Variants in SLC1A1 observed in about 807,000 individuals in gnomAD.
The protein encoded by SLC1A1 is excitatory amino acid transporter 3.
In SLC1A1, 43 loss-of-function variants were observed where a neutral mutation model predicts 53.3. That is an observed-to-expected ratio of 0.81 (90% CI 0.63 to 1.04). The LOEUF (loss-of-function observed/expected upper bound fraction) is 1.04, where lower values mean the gene tolerates loss of function less well. Ranked by LOEUF, SLC1A1 falls within the 50% of genes least tolerant of loss-of-function variation. The pLI is 0.00. For missense variants in SLC1A1, 748 were observed against 664.9 expected, an observed-to-expected ratio of 1.12 and a Z score of -1.37; for synonymous variants, 307 against 243.2, an observed-to-expected ratio of 1.26 and a Z score of -2.44.
At chr9:4,495,204 G>T (rs570179775) in intron 1 of SLC1A1, among the ~76,000 whole-genome samples, 56 of 152,192 alleles carry the variant, frequency 3.7e-4, no homozygotes, top group African/African-American at 1.3e-3. Context: ...GCCCAGCGGC[G>T]GTTCACGCTG....
At chr9:4,499,961 G>C (rs1334978686) in intron 1 of SLC1A1, among the ~76,000 whole-genome samples, 1 of 152,182 alleles carries the variant, frequency 6.6e-6, no homozygotes, top group African/African-American at 2.4e-5. Flanking sequence ...GTAGGATTAG[G>C]AATCAGTTGT....
In SLC1A1 at chr9:4,553,116, C is replaced by G. The variant is rs141918481; in HGVS notation, c.233-8333C>G. On this transcript the variant is annotated intron_variant, in intron 2 of 11. Coordinates refer to ENST00000262352, the MANE Select transcript of SLC1A1 (RefSeq NM_004170.6). ...TTGTGGCAAAAACCCAGAAAAGTCT[C>G]ACTGAGCCATTAGCTAGCTGCTGCT... is the stretch of plus-strand genomic sequence containing the variant. Among the ~76,000 whole-genome samples, 467 of 152,262 alleles carry G rather than the reference C, an allele frequency of 3.1e-3. 3 individuals are homozygous for G. Among genetic ancestry groups the G allele is most frequent in the African/African-American group, 0.011 (450 of 41,560 alleles).
intron 1 of SLC1A1, among the ~76,000 whole-genome samples, chr9:4,531,897 C>T (rs941038934): frequency 2.6e-5 from 4 of 152,268 alleles, no homozygotes; most frequent in South Asian, 2.1e-4. Flanking sequence ...CTGCTGTTCA[C>T]CAATATCCAC....
At chr9:4,517,073 G>A (rs1480771801) in intron 1 of SLC1A1, among the ~76,000 whole-genome samples, 2 of 152,152 alleles carry the variant, frequency 1.3e-5, no homozygotes, top group Non-Finnish European at 2.9e-5. Flanking sequence ...GTAAATAACA[G>A]GCTTTTTAGA....
Position 4,576,618 on chromosome 9 carries a change from G to A in SLC1A1, c.1048G>A (p.Val350Met). The stretch of plus-strand genomic sequence containing the variant: ...CCGCTGTGCTGAAGAAAATAACCAG[G>A]TGGACAAGAGGATCACTCGATTCGT... ...TFRCAEENNQ[V>M]DKRITRFVLP... Residue 350 changes from valine to methionine, a missense_variant, in exon 10 of 12, where the codon GTG (valine) becomes ATG (methionine). Val to Met is a conservative substitution (Grantham distance 21). Coordinates refer to ENST00000262352, the MANE Select transcript of SLC1A1 (RefSeq NM_004170.6). The A allele has an allele frequency of 1.2e-6, 2 of 1,614,178 alleles. No individual in the cohort carries two copies. Among genetic ancestry groups the A allele is most frequent in the Non-Finnish European group, 8.5e-7 (1 of 1,180,022 alleles).
chr9:4,497,342 A>C (rs946713796), intron 1 of SLC1A1, among the ~76,000 whole-genome samples: 2 of 152,102 alleles, frequency 1.3e-5, no homozygotes, highest in Non-Finnish European at 2.9e-5. Flanking sequence ...TCTAACCACT[A>C]TCCTCTCCCG....
chr9:4,579,335 C>G (rs756935597), intron 10 of SLC1A1, among the ~76,000 whole-genome samples: 45 of 152,162 alleles, frequency 3.0e-4, no homozygotes, highest in Non-Finnish European at 5.6e-4. Flanking sequence ...AGGGTTTTTT[C>G]CCACTTCCCT....
intron 11 of SLC1A1, among the ~76,000 whole-genome samples, chr9:4,584,453 T>G (rs1220556196): frequency 6.6e-6 from 1 of 152,098 alleles, no homozygotes; most frequent in Non-Finnish European, 1.5e-5. Context: ...GAGTCAAAGG[T>G]CCAATTGGAG....
Position 4,585,360 on chromosome 9 carries a change from G to C in SLC1A1, c.1377G>C (p.Thr459=). Residue 459 remains threonine (T), a synonymous_variant, in exon 12 of 12, where the codon ACG becomes ACC. Coordinates refer to ENST00000262352, the MANE Select transcript of SLC1A1 (RefSeq NM_004170.6). The part of the protein sequence containing the change: ...MVNVLGDAFG[T]GIVEKLSKKE... The stretch of plus-strand genomic sequence containing the variant: ...ACGTCCTTGGTGATGCTTTTGGGAC[G>C]GGCATTGTGGAAAAGCTCTCCAAGA... 1.9e-6 allele frequency: 3 copies of C among 1,614,158 alleles called. No individual in the cohort carries two copies. Among genetic ancestry groups the C allele is most frequent in the South Asian group, 1.1e-5 (1 of 91,080 alleles).
At chr9:4,502,271 C>T (rs1225389058) in intron 1 of SLC1A1, among the ~76,000 whole-genome samples, 6 of 150,248 alleles carry the variant, frequency 4.0e-5, no homozygotes, top group Middle Eastern at 3.2e-3. Context: ...CCTGTAGTCC[C>T]AGCTACTCAG....
At chr9:4,537,889 A>G (rs1482671481) in intron 1 of SLC1A1, among the ~76,000 whole-genome samples, 1 of 152,162 alleles carries the variant, frequency 6.6e-6, no homozygotes, top group Non-Finnish European at 1.5e-5. Context: ...ATGGAATTAT[A>G]TACTTTAAAA....
chr9:4,508,443 G>T (rs746698438), intron 1 of SLC1A1, among the ~76,000 whole-genome samples: 2 of 152,070 alleles, frequency 1.3e-5, no homozygotes, highest in Non-Finnish European at 2.9e-5. Context: ...CCTGTGGGCT[G>T]GTCCTAACTT....
At chr9:4,581,433 A>G (rs1821089249) in intron 10 of SLC1A1, among the ~76,000 whole-genome samples, 1 of 152,254 alleles carries the variant, frequency 6.6e-6, no homozygotes, top group African/African-American at 2.4e-5. Flanking sequence ...AATGCCAGTC[A>G]AACAGCAGTA....
chr9:4,490,597 G>T lies in SLC1A1; in HGVS notation c.-83G>T. The T allele has an allele frequency of 8.7e-7, 1 of 1,145,110 alleles. No individual in the cohort carries two copies. The highest frequency in any genetic ancestry group is 1.3e-6 in the Non-Finnish European group (1 of 777,012). The allele number at this position is 1,145,110 out of a possible 1,614,324, so 70.9% of individuals were successfully genotyped here. A position where few individuals can be genotyped will look rare whatever the true frequency, so the allele number is the denominator to read the frequency against. ...CTCCCCTGTGCACCCGCATCTCGCC[G>T]CGCCGCCGAGCAGCCAGCAGTCCCC... is the stretch of plus-strand genomic sequence containing the variant. On this transcript the variant is annotated 5_prime_UTR_variant, in exon 1 of 12. Transcript: ENST00000262352.
At chr9:4,522,952 T>C (rs1816134518) in intron 1 of SLC1A1, among the ~76,000 whole-genome samples, 1 of 152,194 alleles carries the variant, frequency 6.6e-6, no homozygotes, top group Non-Finnish European at 1.5e-5. Flanking sequence ...CAGCTTCCTT[T>C]AATTACTGGA....
chr9:4,563,816 G>T (rs191935902), intron 3 of SLC1A1, among the ~76,000 whole-genome samples: 1 of 151,934 alleles, frequency 6.6e-6, no homozygotes, highest in South Asian at 2.1e-4. Context: ...TTCCACCCCC[G>T]GAACAGCATT....
At chr9:4,573,785 G>A (rs570897128) in intron 7 of SLC1A1, 122 bp from the exon 8 acceptor site, 11 of 770,502 alleles carry the variant, frequency 1.4e-5, no homozygotes, top group South Asian at 1.2e-4. Context: ...TTCCCATCCT[G>A]TGCTCCACCA....
chr9:4,575,516 G>A (rs185197388), intron 8 of SLC1A1, among the ~76,000 whole-genome samples: 1 of 152,274 alleles, frequency 6.6e-6, no homozygotes, highest in African/African-American at 2.4e-5. Context: ...TGAGGACTGA[G>A]CGCTGTGATA....
intron 1 of SLC1A1, among the ~76,000 whole-genome samples, chr9:4,500,735 G>C (rs1441711112): frequency 6.6e-6 from 1 of 152,196 alleles, no homozygotes; most frequent in East Asian, 1.9e-4. Flanking sequence ...TAGAAAGGAA[G>C]TGTTTCAGTG....
Sources: allele counts gnomAD v4.1 joint callset (sites outside exome capture counted in the v4.1 genomes callset), GRCh38; gene constraint gnomAD v4.1.1; transcripts MANE v1.5; gene names NCBI Gene and HGNC (gene_info 2026-07-23, HGNC 2026-07-21).